Variants in ATG2B observed in about 807,000 individuals in gnomAD.
ATG2B encodes the protein autophagy-related protein 2 homolog B.
A neutral mutation model predicts 241.3 loss-of-function variants in ATG2B; 121 were observed. The observed-to-expected ratio is 0.50, with a 90% CI of 0.43 to 0.58. The LOEUF is 0.58. Among genes scored for constraint, ATG2B ranks in the 20% least tolerant of loss-of-function variants. The pLI, the probability that ATG2B is intolerant of heterozygous loss-of-function variation, is 0.00. For synonymous variants in ATG2B, 858 were observed against 876.6 expected (o/e 0.98, Z 0.37); for missense variants, 2,306 against 2,491.6 (o/e 0.93, Z 1.59).
chr14:96,346,307 A>G (rs1340891317), intron 2 of ATG2B, among the ~76,000 whole-genome samples: 1 of 152,174 alleles, frequency 6.6e-6, no homozygotes, highest in East Asian at 1.9e-4. Flanking sequence ...AGATTGCAAG[A>G]ATTACTGCCT....
intron 6 of ATG2B, among the ~76,000 whole-genome samples, chr14:96,336,744 C>T (rs1345713720): frequency 6.6e-6 from 1 of 152,168 alleles, no homozygotes; most frequent in Non-Finnish European, 1.5e-5. Context: ...GAGACATAAA[C>T]ATATTATTAG....
At chr14:96,331,935 T>G (rs1887748243) in intron 10 of ATG2B, among the ~76,000 whole-genome samples, 1 of 152,090 alleles carries the variant, frequency 6.6e-6, no homozygotes, top group African/African-American at 2.4e-5. Context: ...CAAATTTTCC[T>G]TTAAGCCTTG....
intron 23 of ATG2B, among the ~76,000 whole-genome samples, chr14:96,314,002 G>A (rs1887235210): frequency 6.6e-6 from 1 of 152,100 alleles, no homozygotes; most frequent in African/African-American, 2.4e-5. Flanking sequence ...TTTCCTTAAT[G>A]TATACCTAGC....
intron 29 of ATG2B, among the ~76,000 whole-genome samples, chr14:96,307,238 C>G (rs1886975122): frequency 6.6e-6 from 1 of 151,914 alleles, no homozygotes; most frequent in South Asian, 2.1e-4. Context: ...ATGATGAAAC[C>G]CTGTCTCTAC....
intron 26 of ATG2B, 38 bp from the exon 27 acceptor site, chr14:96,311,656 G>C (rs1215773979): frequency 7.1e-7 from 1 of 1,403,138 alleles, no homozygotes; most frequent in South Asian, 1.2e-5. Context: ...CTTCAGTACA[G>C]CTTTCAAAAA....
In ATG2B at chr14:96,295,017, T is replaced by C. The variant is rs769640629; in HGVS notation, c.5369A>G (p.Glu1790Gly). 6.2e-7 allele frequency: 1 copy of C among 1,614,230 alleles called. No individual in the cohort carries two copies. The highest frequency in any genetic ancestry group is 8.5e-7 in the Non-Finnish European group (1 of 1,180,046). The change falls in exon 36 of 42, where the codon GAA becomes GGA. Residue 1790 changes from glutamate to glycine, a missense_variant. By Grantham distance (98) the Glu-to-Gly change is moderately conservative (BLOSUM62 -2). This residue lies in a region of ATG2B where 379 missense variants were observed against 480.4 expected (regional missense o/e 0.79). Coordinates refer to ENST00000359933, the MANE Select transcript of ATG2B (RefSeq NM_018036.7). ...TTCTTCAGCAGAGAAGTTCTTCTCT[T>C]CCATGCCATTAACCACTTCCACTGA... is the stretch of plus-strand genomic sequence containing the variant. ...ANSVEVVNGM[E>G]EKNFSAEEAS...
intron 34 of ATG2B, among the ~76,000 whole-genome samples, chr14:96,299,850 G>A (rs75801692): frequency 3.4e-4 from 52 of 152,134 alleles, no homozygotes; most frequent in Non-Finnish European, 6.6e-4. Flanking sequence ...GGATGTGCTC[G>A]GTTAGAAAAA....
Position 96,332,428 on chromosome 14 carries a change from T to G in ATG2B, c.1363-18A>C. 1 of 1,612,990 alleles carries G rather than the reference T, an allele frequency of 6.2e-7. No individual in the cohort carries two copies. Among genetic ancestry groups the G allele is most frequent in the Non-Finnish European group, 8.5e-7 (1 of 1,179,226 alleles). On this transcript the variant is annotated intron_variant, in intron 9 of 41. Transcript: ENST00000359933. ...GGCTGAAGCTATAAAAGATTTTTTT[T>G]AAGCACATGAATGAAGTGTAGAATT...
At position 96,332,561 on chromosome 14, in the gene ATG2B, CTCAAGG is replaced by C; in HGVS notation, c.1296_1301del (p.Asp432_Leu433del). 1 of 1,611,540 alleles carries C rather than the reference CTCAAGG, an allele frequency of 6.2e-7. No homozygotes were observed. The highest frequency in any genetic ancestry group is 8.5e-7 in the Non-Finnish European group (1 of 1,178,994). ...TTGTATATGTACTAGTTAATGATAA[CTCAAGG>C]TCCATGTTTGGGGGGTCCCCAAGGG... On this transcript the variant is annotated inframe_deletion, in exon 9 of 42. Transcript: ENST00000359933.
chr14:96,361,050 T>C (rs1284455077), intron 1 of ATG2B, among the ~76,000 whole-genome samples: 1 of 151,552 alleles, frequency 6.6e-6, no homozygotes, highest in African/African-American at 2.4e-5. Flanking sequence ...ACACAGCACA[T>C]GAAAATAAAT....
chr14:96,287,471 C>T lies in ATG2B; in HGVS notation c.6007-1486G>A, dbSNP rs184217421. Among the ~76,000 whole-genome samples the T allele has an allele frequency of 4.9e-4, 74 of 152,250 alleles. 1 individual carries two copies. In the East Asian group the frequency reaches 0.014, roughly 29 times the overall value. ...GGAGTAGATGAGTAGAGTACGAGGC[C>T]GACCACCACTACGTTTGCGGACAAC... On this transcript the variant is annotated intron_variant, in intron 41 of 41. Coordinates refer to ENST00000359933, the MANE Select transcript of ATG2B (RefSeq NM_018036.7).
At chr14:96,349,221 T>A (rs937274700) in intron 1 of ATG2B, among the ~76,000 whole-genome samples, 1 of 152,212 alleles carries the variant, frequency 6.6e-6, no homozygotes, top group African/African-American at 2.4e-5. Flanking sequence ...AAGAAATACA[T>A]GCAGGCATAT....
intron 22 of ATG2B, 38 bp from the exon 23 acceptor site, chr14:96,315,272 A>C (rs1296749747): frequency 6.3e-7 from 1 of 1,589,070 alleles, no homozygotes; most frequent in Non-Finnish European, 8.6e-7. Flanking sequence ...TTTACCACCT[A>C]TGTAATCCTA....
In ATG2B at chr14:96,292,041, T is replaced by C. The variant is rs1886500475; in HGVS notation, c.5484A>G (p.Val1828=). 6.3e-7 allele frequency: 1 copy of C among 1,597,232 alleles called. No homozygotes were observed. Among genetic ancestry groups the C allele is most frequent in the South Asian group, 1.1e-5 (1 of 87,990 alleles). Residue 1828 remains valine (V), a synonymous_variant, in exon 37 of 42, where the codon GTA becomes GTG. Transcript: ENST00000359933. ...AGAGTTTCCCAACCTGATCCATTGA[T>C]ACATGTTTGCCATGATAATCAAGTC... ...PIRLDYHGKH[V]SMDQGTLAGI...
At position 96,285,924 on chromosome 14, in the gene ATG2B, C is replaced by T. The variant is rs1369695813; in HGVS notation, c.6068G>A (p.Gly2023Glu). The T allele has an allele frequency of 6.2e-7, 1 of 1,613,918 alleles. No individual in the cohort carries two copies. The highest frequency in any genetic ancestry group is 8.5e-7 in the Non-Finnish European group (1 of 1,180,026). ...AACCTCGCCCACGGCACCAGTCACC[C>T]CTCTGCTCTCGTGTTCTCGAGCCGC... ...ETAAREHESR[G>E]VTGAVGEVLR... The change falls in exon 42 of 42, where the codon GGG becomes GAG. Residue 2023 changes from glycine to glutamate, a missense_variant. Gly to Glu is a moderately conservative substitution (Grantham distance 98, BLOSUM62 -2). Transcript: ENST00000359933. The surrounding 1 kb of genome is among the most constrained non-coding windows in gnomAD (Gnocchi z 4.2).
chr14:96,324,467 C>A (rs184383210), intron 15 of ATG2B, among the ~76,000 whole-genome samples: 13 of 152,196 alleles, frequency 8.5e-5, no homozygotes, highest in Admixed American at 8.5e-4. Flanking sequence ...GGCGGATCAC[C>A]TGAGGTCAGG....
chr14:96,312,035 T>C, intron 26 of ATG2B, 54 bp downstream of exon 26: 1 of 1,308,584 alleles, frequency 7.6e-7, no homozygotes, highest in Non-Finnish European at 1.1e-6. Flanking sequence ...TAAAATTATT[T>C]ACGCACAAAA....
intron 4 of ATG2B, among the ~76,000 whole-genome samples, chr14:96,344,048 C>A (rs1419194094): frequency 6.6e-6 from 1 of 152,314 alleles, no homozygotes; most frequent in South Asian, 2.1e-4. Flanking sequence ...ACACGGGTGA[C>A]CAGTTACTGC....
chr14:96,308,251 TA>T (rs1887031666), intron 29 of ATG2B, among the ~76,000 whole-genome samples: 1 of 20,936 alleles, frequency 4.8e-5, no homozygotes, highest in East Asian at 9.0e-4. Context: ...TATATATATA[TA>T]CACACATATA....
Sources: allele counts gnomAD v4.1 joint callset (sites outside exome capture counted in the v4.1 genomes callset), GRCh38; gene constraint gnomAD v4.1.1; regional missense constraint gnomAD v4.1.1; non-coding constraint Gnocchi (gnomAD v3.1); transcripts MANE v1.5; gene names NCBI Gene and HGNC (gene_info 2026-07-23, HGNC 2026-07-21).